The following SEMA3A variants were observed in gnomAD, a reference collection of about 807,000 sequenced individuals.
SEMA3A encodes the protein semaphorin 3A.
A neutral mutation model predicts 97.9 loss-of-function variants in SEMA3A; 29 were observed. That is an observed-to-expected ratio of 0.30 (90% confidence interval 0.22 to 0.40). The LOEUF (loss-of-function observed/expected upper bound fraction) is 0.40. SEMA3A is among the 10% of genes least tolerant of loss of function. The pLI, the probability that SEMA3A is intolerant of heterozygous loss-of-function variation, is 1.00. For synonymous variants in SEMA3A, 321 were observed against 323.7 expected (o/e 0.99, Z 0.09); for missense variants, 763 against 951.3 (o/e 0.80, Z 2.60).
intron 2 of SEMA3A, among the ~76,000 whole-genome samples, chr7:84,335,816 A>G (rs949521119): frequency 8.5e-5 from 13 of 152,178 alleles, no homozygotes; most frequent in African/African-American, 2.9e-4. Flanking sequence ...TTCACATTAA[A>G]ATAAATAAAT....
At chr7:84,435,733 A>G (rs1389844780) in intron 1 of SEMA3A, among the ~76,000 whole-genome samples, 1 of 152,212 alleles carries the variant, frequency 6.6e-6, no homozygotes, top group African/African-American at 2.4e-5. Flanking sequence ...AATACCATTG[A>G]AATGTCCATA....
chr7:84,101,434 A>G (rs1794954823), intron 4 of SEMA3A, among the ~76,000 whole-genome samples: 1 of 152,082 alleles, frequency 6.6e-6, no homozygotes. Flanking sequence ...CATTATGCAA[A>G]ATTTGAAGTT....
chr7:84,187,901 G>A (rs532277470), intron 1 of SEMA3A, among the ~76,000 whole-genome samples: 3 of 152,212 alleles, frequency 2.0e-5, no homozygotes, highest in East Asian at 1.9e-4. Flanking sequence ...TCTGGCACAA[G>A]ATGATTCACA....
In SEMA3A at chr7:84,095,358, C is replaced by CACACACATATATATATATAT. The variant is rs1211794166; in HGVS notation, c.453+15111_453+15112insATATATATATATATGTGTGT. ...ATATATATTTTATATTTTTTATATA[C>CACACACATATATATATATAT]ATATATATATATATATATATATATA... is the stretch of plus-strand genomic sequence containing the variant. On this transcript the variant is annotated intron_variant, in intron 4 of 16. Transcript: ENST00000265362. Among the ~76,000 whole-genome samples, 211 of 122,860 alleles carry CACACACATATATATATATAT rather than the reference C, an allele frequency of 1.7e-3. 3 individuals are homozygous for CACACACATATATATATATAT. The highest frequency in any genetic ancestry group is 6.9e-3 in the African/African-American group (199 of 28,980). The allele number at this position is 122,860 out of a possible 152,430, so 80.6% of individuals were successfully genotyped here. A position where few individuals can be genotyped will look rare whatever the true frequency, so the allele number is the denominator to read the frequency against.
intron 1 of SEMA3A, among the ~76,000 whole-genome samples, chr7:84,423,851 T>C (rs747614342): frequency 3.3e-5 from 5 of 151,858 alleles, no homozygotes; most frequent in Non-Finnish European, 5.9e-5. Context: ...ATGACATAAA[T>C]AGACATTTCT....
intron 6 of SEMA3A, among the ~76,000 whole-genome samples, chr7:84,035,016 C>T (rs1382613225): frequency 6.6e-6 from 1 of 151,962 alleles, no homozygotes; most frequent in Non-Finnish European, 1.5e-5. Context: ...TCTACCTTTT[C>T]CCATAAAATA....
intron 2 of SEMA3A, among the ~76,000 whole-genome samples, chr7:84,327,474 T>C (rs759496200): frequency 6.6e-5 from 10 of 151,870 alleles, no homozygotes; most frequent in Admixed American, 6.6e-4. Context: ...CATTGATATA[T>C]GCCAAGAATT....
intron 6 of SEMA3A, among the ~76,000 whole-genome samples, chr7:84,030,762 T>C (rs967377910): frequency 1.3e-5 from 2 of 152,198 alleles, no homozygotes; most frequent in Non-Finnish European, 2.9e-5. Flanking sequence ...TTCACTATGT[T>C]AAGAACATTT....
At chr7:84,321,773 G>T (rs1465054094) in intron 2 of SEMA3A, among the ~76,000 whole-genome samples, 1 of 150,526 alleles carries the variant, frequency 6.6e-6, no homozygotes, top group South Asian at 2.1e-4. Flanking sequence ...CTACTTGATA[G>T]GCTGAGGCAG....
chr7:84,276,372 T>C (rs937374887), intron 3 of SEMA3A, among the ~76,000 whole-genome samples: 1 of 152,080 alleles, frequency 6.6e-6, no homozygotes, highest in African/African-American at 2.4e-5. Context: ...ACTTCTATAG[T>C]GTTTTGTCTG....
chr7:84,472,850 C>G (rs1480462039), intron 1 of SEMA3A, among the ~76,000 whole-genome samples: 1 of 152,082 alleles, frequency 6.6e-6, no homozygotes, highest in Non-Finnish European at 1.5e-5. Context: ...GAAACATTGA[C>G]ATTTAAGAAG....
chr7:84,118,326 G>A (rs1990046), intron 3 of SEMA3A, among the ~76,000 whole-genome samples: 12,005 of 152,158 alleles, frequency 0.079, 840 homozygotes, highest in African/African-American at 0.19. Context: ...CAAATACAGC[G>A]TGTGTTAGTC....
chr7:84,208,339 C>A (rs183981358), intron 3 of SEMA3A, among the ~76,000 whole-genome samples: 1 of 151,680 alleles, frequency 6.6e-6, no homozygotes, highest in Admixed American at 6.6e-5. Flanking sequence ...GTAATCCCAG[C>A]TACTGGGGAG....
At chr7:84,114,397 C>T (rs1795362322) in intron 3 of SEMA3A, among the ~76,000 whole-genome samples, 1 of 151,968 alleles carries the variant, frequency 6.6e-6, no homozygotes, top group Admixed American at 6.6e-5. Context: ...ATAAATCAGT[C>T]CAAAATGAAT....
chr7:84,321,704 G>A (rs1220310004), intron 2 of SEMA3A, among the ~76,000 whole-genome samples: 2 of 151,310 alleles, frequency 1.3e-5, no homozygotes, highest in African/African-American at 2.4e-5. Context: ...GTGAAATCCC[G>A]TCTCTACTAA....
chr7:83,980,639 T>TATAC lies in SEMA3A; in HGVS notation c.1652+681_1652+682insGTAT, dbSNP rs376148779. On this transcript the variant is annotated intron_variant, in intron 14 of 16. Coordinates refer to ENST00000265362, the MANE Select transcript of SEMA3A (RefSeq NM_006080.3). Reference sequence around the variant, plus strand: ...AAAAAAAAAAATATATATATATATATACACACACACACACATATACATATA... The same window carrying TATAC: ...AAAAAAAAAAATATATATATATATATATACACACACACACACACATATACATATA... 6.7e-3 allele frequency among the ~76,000 whole-genome samples: 593 copies of TATAC among 88,340 alleles called. 10 individuals are homozygous for TATAC. The highest frequency in any genetic ancestry group is 0.026 in the African/African-American group (554 of 21,722). The allele number at this position is 88,340 out of a possible 152,430, so 58.0% of individuals were successfully genotyped here.
At chr7:84,483,527 A>G (rs976711832) in intron 1 of SEMA3A, among the ~76,000 whole-genome samples, 2 of 152,176 alleles carry the variant, frequency 1.3e-5, no homozygotes, top group African/African-American at 2.4e-5. Flanking sequence ...CTCACTTGCC[A>G]CATTTTGACC....
chr7:84,357,084 A>C (rs1802578403), intron 2 of SEMA3A, among the ~76,000 whole-genome samples: 1 of 148,306 alleles, frequency 6.7e-6, no homozygotes, highest in African/African-American at 2.5e-5. Context: ...TCTCTAATTT[A>C]TGTTGATAAA....
intron 12 of SEMA3A, among the ~76,000 whole-genome samples, chr7:83,987,718 C>G (rs923407709): frequency 4.6e-5 from 7 of 152,200 alleles, no homozygotes; most frequent in Admixed American, 3.3e-4. Flanking sequence ...CTCTCTTCAA[C>G]TTACCCCACT....
Sources: allele counts gnomAD v4.1 joint callset (sites outside exome capture counted in the v4.1 genomes callset), GRCh38; gene constraint gnomAD v4.1.1; transcripts MANE v1.5; gene names NCBI Gene and HGNC (gene_info 2026-07-23, HGNC 2026-07-21).